APBA1: variants seen among roughly 807,000 people sequenced by gnomAD.
The protein encoded by APBA1 is amyloid beta precursor protein binding family A member 1, also known as amyloid-beta A4 precursor protein-binding family A member 1.
A neutral mutation model predicts 86.6 loss-of-function variants in APBA1; 55 were observed. That is an observed-to-expected ratio of 0.64 (90% CI 0.51 to 0.80). The LOEUF is 0.80. APBA1 is among the 30% of genes least tolerant of loss of function. The pLI is 0.00. For missense variants in APBA1, 1,090 were observed against 1,183.0 expected (o/e 0.92, Z 1.15); for synonymous variants, 511 against 493.9 (o/e 1.03, Z -0.46).
At chr9:69,529,757 C>T (rs113485258) in intron 1 of APBA1, among the ~76,000 whole-genome samples, 2,706 of 152,020 alleles carry the variant, frequency 0.018, 32 homozygotes, top group Admixed American at 0.035. Flanking sequence ...TTAAACAGAC[C>T]ACCTATAGAA....
chr9:69,501,022 A>C (rs1307655042), intron 2 of APBA1, among the ~76,000 whole-genome samples: 1 of 152,134 alleles, frequency 6.6e-6, no homozygotes, highest in Non-Finnish European at 1.5e-5. Flanking sequence ...GACTGACTCC[A>C]ATTCTCCTTC....
At chr9:69,566,139 A>T (rs1837023354) in intron 1 of APBA1, among the ~76,000 whole-genome samples, 1 of 152,218 alleles carries the variant, frequency 6.6e-6, no homozygotes, top group Admixed American at 6.5e-5. Context: ...TTCCTCAAAG[A>T]TCCTTCCCTT....
chr9:69,497,114 ATTCT>A (rs768233522), intron 2 of APBA1, among the ~76,000 whole-genome samples: 26 of 152,002 alleles, frequency 1.7e-4, no homozygotes, highest in Admixed American at 6.5e-5. Context: ...TTCTGTTTTT[ATTCT>A]TTCTTCCCTT....
intron 1 of APBA1, among the ~76,000 whole-genome samples, chr9:69,645,248 C>G (rs1460957088): frequency 6.6e-6 from 1 of 152,118 alleles, no homozygotes. Context: ...CTTACTGGCT[C>G]ATGGGATAGG....
chr9:69,627,137 G>A (rs536882227), intron 1 of APBA1, among the ~76,000 whole-genome samples: 98 of 152,138 alleles, frequency 6.4e-4, no homozygotes, highest in African/African-American at 2.1e-3. Flanking sequence ...ACAGAAACAT[G>A]CTACATAATA....
At position 69,515,696 on chromosome 9, in the gene APBA1, G is replaced by T. The variant is rs1020820662; in HGVS notation, c.1200+315C>A. Among the ~76,000 whole-genome samples the T allele has an allele frequency of 2.1e-4, 9 of 43,594 alleles. 1 individual carries two copies. The highest frequency in any genetic ancestry group is 2.3e-4 in the Non-Finnish European group (4 of 17,752). The allele number at this position is 43,594 out of a possible 152,430, so 28.6% of individuals were successfully genotyped here. A position where few individuals can be genotyped will look rare whatever the true frequency, so the allele number is the denominator to read the frequency against. Reference sequence around the variant, plus strand: ...TACTTTCTGAATCAGAAACTGGGGGGGGGGGGGGCGGGGGGTGGAGGGCGA... The same window carrying T: ...TACTTTCTGAATCAGAAACTGGGGGTGGGGGGGGCGGGGGGTGGAGGGCGA... On this transcript the variant is annotated intron_variant, in intron 2 of 12. Transcript: ENST00000265381.
intron 1 of APBA1, among the ~76,000 whole-genome samples, chr9:69,522,852 C>T (rs554892298): frequency 5.3e-5 from 8 of 152,212 alleles, no homozygotes; most frequent in East Asian, 1.9e-4. Flanking sequence ...AGAGGAAGAG[C>T]GGCTGATGGA....
At chr9:69,604,887 A>G (rs1274175483) in intron 1 of APBA1, among the ~76,000 whole-genome samples, 1 of 151,712 alleles carries the variant, frequency 6.6e-6, no homozygotes, top group Non-Finnish European at 1.5e-5. Flanking sequence ...TACGCACATG[A>G]GGGTAAGAGG....
intron 2 of APBA1, among the ~76,000 whole-genome samples, chr9:69,490,137 A>G (rs1485942814): frequency 2.0e-5 from 3 of 152,104 alleles, no homozygotes; most frequent in Non-Finnish European, 4.4e-5. Flanking sequence ...ATGGAATACT[A>G]TGCAGCCATA....
At chr9:69,638,624 T>G (rs779304349) in intron 1 of APBA1, among the ~76,000 whole-genome samples, 21 of 152,216 alleles carry the variant, frequency 1.4e-4, no homozygotes, top group Non-Finnish European at 2.5e-4. Flanking sequence ...TGTGTTTGCA[T>G]GCAGGCATGT....
intron 1 of APBA1, among the ~76,000 whole-genome samples, chr9:69,524,984 T>G (rs1305542644): frequency 6.6e-6 from 1 of 152,218 alleles, no homozygotes; most frequent in Non-Finnish European, 1.5e-5. Flanking sequence ...CAAAACTATA[T>G]GATCATCTCA....
At chr9:69,646,899 C>A (rs571014919) in intron 1 of APBA1, among the ~76,000 whole-genome samples, 1 of 152,232 alleles carries the variant, frequency 6.6e-6, no homozygotes, top group Non-Finnish European at 1.5e-5. Context: ...TTTTCTTAGG[C>A]CTCTCAGTGC....
chr9:69,632,976 C>A (rs111761247), intron 1 of APBA1, among the ~76,000 whole-genome samples: 10 of 152,002 alleles, frequency 6.6e-5, no homozygotes, highest in South Asian at 2.1e-4. Context: ...TAGCTCCCCC[C>A]CTGCTGGGTC....
At chr9:69,626,234 G>A (rs1822924712) in intron 1 of APBA1, among the ~76,000 whole-genome samples, 1 of 152,124 alleles carries the variant, frequency 6.6e-6, no homozygotes, top group Non-Finnish European at 1.5e-5. Flanking sequence ...CCACAAGCAT[G>A]GACCAAAAAG....
intron 5 of APBA1, chr9:69,460,633 A>T (rs1588297612): frequency 6.6e-6 from 1 of 151,314 alleles, no homozygotes; most frequent in African/African-American, 2.4e-5. Flanking sequence ...AATAGGTTCC[A>T]CCATCACTGG....
chr9:69,581,491 G>A (rs145239500), intron 1 of APBA1, among the ~76,000 whole-genome samples: 10 of 152,168 alleles, frequency 6.6e-5, no homozygotes, highest in Non-Finnish European at 1.3e-4. Flanking sequence ...GTTTGCGGGG[G>A]CAGAGAGTTG....
At chr9:69,577,321 A>G (rs1170967325) in intron 1 of APBA1, among the ~76,000 whole-genome samples, 1 of 152,226 alleles carries the variant, frequency 6.6e-6, no homozygotes, top group Non-Finnish European at 1.5e-5. Flanking sequence ...GACAGGGTGC[A>G]TAGACATGGC....
chr9:69,505,766 C>T (rs1249734248), intron 2 of APBA1, among the ~76,000 whole-genome samples: 1 of 151,968 alleles, frequency 6.6e-6, no homozygotes, highest in Non-Finnish European at 1.5e-5. Flanking sequence ...GCCTGTAATC[C>T]CAGTATTTTG....
At position 69,517,070 on chromosome 9, in the gene APBA1, A is replaced by C; in HGVS notation, c.141T>G (p.Tyr47Ter). The C allele has an allele frequency of 1.3e-6, 2 of 1,585,690 alleles. No homozygotes were observed. Among genetic ancestry groups the C allele is most frequent in the Non-Finnish European group, 1.7e-6 (2 of 1,171,678 alleles). Residue 47 changes from tyrosine (Y) to a stop codon, truncating the protein, a stop_gained, in exon 2 of 13, where the codon TAT (tyrosine) becomes TAG (stop). Transcript: ENST00000265381. LOFTEE classifies it high-confidence loss of function. Reference protein sequence around the residue: ...EQQQPPQQQHYVGRHQRGRAL... With the variant: ...EQQQPPQQQH ...CTCGCCCGCGCTGGTGGCGGCCCACATAGTGCTGCTGCTGCGGCGGCTGCT... is the reference window on the plus strand; with the variant it reads ...CTCGCCCGCGCTGGTGGCGGCCCACCTAGTGCTGCTGCTGCGGCGGCTGCT...
Sources: gnomAD v4.1 joint callset for allele counts (sites outside exome capture counted in the v4.1 genomes callset) on GRCh38, gnomAD v4.1.1 for gene constraint, MANE v1.5 for transcripts, NCBI Gene and HGNC (gene_info 2026-07-23, HGNC 2026-07-21) for gene names.